Variants in RNF185 observed in about 807,000 individuals in gnomAD.
The protein encoded by RNF185 is E3 ubiquitin-protein ligase RNF185.
A neutral mutation model predicts 24.9 loss-of-function variants in RNF185; 13 were observed. The ratio of observed to expected loss-of-function variants is 0.52; its 90% CI spans 0.34 to 0.83. The LOEUF is 0.83. Among genes scored for constraint, RNF185 ranks in the 40% least tolerant of loss-of-function variants. The probability of loss-of-function intolerance (pLI) is 0.01; values close to 1 mark genes in which losing one functional copy is unlikely to be tolerated. For synonymous variants in RNF185, 79 were observed against 90.3 expected (o/e 0.88, Z 0.71); for missense variants, 184 against 244.7 (o/e 0.75, Z 1.65).
chr22:31,177,583 A>C (rs1278031673), intron 1 of RNF185, among the ~76,000 whole-genome samples: 4 of 152,186 alleles, frequency 2.6e-5, no homozygotes, highest in African/African-American at 9.6e-5. Context: ...CTTGGAATGC[A>C]GGTCCCATTT....
At chr22:31,204,022 C>T (rs2048289628) in intron 6 of RNF185, among the ~76,000 whole-genome samples, 1 of 131,354 alleles carries the variant, frequency 7.6e-6, no homozygotes, top group Non-Finnish European at 1.6e-5. Flanking sequence ...GCCTGGGCAA[C>T]AAGAGCAAAA....
intron 1 of RNF185, among the ~76,000 whole-genome samples, chr22:31,162,074 G>T (rs568490088): frequency 1.3e-5 from 2 of 152,058 alleles, no homozygotes; most frequent in East Asian, 3.9e-4. Context: ...CTTATTTTGT[G>T]CATTACAAAG....
Position 31,172,748 on chromosome 22 carries a change from C to CAA in RNF185, c.-49+12464_-49+12465dup, listed in dbSNP as rs35573590. Among the ~76,000 whole-genome samples the CAA allele has an allele frequency of 6.4e-3, 620 of 97,128 alleles. 17 individuals carry two copies. Among genetic ancestry groups the CAA allele is most frequent in the African/African-American group, 0.011 (278 of 25,936 alleles). The allele number at this position is 97,128 out of a possible 152,430, so 63.7% of individuals were successfully genotyped here. On this transcript the variant is annotated intron_variant, in intron 1 of 6. Coordinates refer to ENST00000326132, the MANE Select transcript of RNF185 (RefSeq NM_152267.4). ...TGAGCAACAGAGTGAGACCCCGTCT[C>CAA]AAAAAAAAAAAAAAAAAAAAGCAAA...
chr22:31,168,340 C>G (rs1475573230), intron 1 of RNF185, among the ~76,000 whole-genome samples: 1 of 152,160 alleles, frequency 6.6e-6, no homozygotes, highest in Non-Finnish European at 1.5e-5. Flanking sequence ...CTTCCTTTGA[C>G]TGACTTACTT....
chr22:31,184,022 C>A (rs1157701063), intron 1 of RNF185, among the ~76,000 whole-genome samples: 3 of 150,406 alleles, frequency 2.0e-5, no homozygotes, highest in South Asian at 2.1e-4. Context: ...GGCTGCCCCC[C>A]CCCACCTCCC....
chr22:31,189,897 A>AT (rs942473763), intron 2 of RNF185, among the ~76,000 whole-genome samples: 8 of 150,288 alleles, frequency 5.3e-5, no homozygotes, highest in South Asian at 2.1e-4. Flanking sequence ...CCTGCTATCA[A>AT]TTTTTTTTTT....
intron 3 of RNF185, 28 bp from the exon 4 acceptor site, chr22:31,195,441 C>T (rs749298894): frequency 5.3e-5 from 80 of 1,517,568 alleles, no homozygotes; most frequent in Non-Finnish European, 1.8e-6. Flanking sequence ...TTGGGCCATC[C>T]ACATGCATTT....
Position 31,171,172 on chromosome 22 carries a change from T to TTTATTTATTTAA in RNF185, c.-49+10880_-49+10881insATTATTTATTTA, listed in dbSNP as rs2047925774. 3.3e-5 allele frequency among the ~76,000 whole-genome samples: 5 copies of TTTATTTATTTAA among 150,508 alleles called. No individual in the cohort carries two copies. The East Asian group carries it at 9.7e-4, about 29-fold the overall frequency. On this transcript the variant is annotated intron_variant, in intron 1 of 6. Transcript: ENST00000326132. The stretch of plus-strand genomic sequence containing the variant: ...TCTGATTTACTTATTTATTTATTTA[T>TTTATTTATTTAA]TTATTTATTTATTTATTTTTGAGAC...
chr22:31,191,547 T>C (rs1295928017), intron 2 of RNF185, among the ~76,000 whole-genome samples: 1 of 152,056 alleles, frequency 6.6e-6, no homozygotes, highest in Admixed American at 6.6e-5. Context: ...ATTAAAAATG[T>C]GGGCCAGACA....
chr22:31,174,253 T>G (rs1236435400), intron 1 of RNF185, among the ~76,000 whole-genome samples: 1 of 152,218 alleles, frequency 6.6e-6, no homozygotes, highest in African/African-American at 2.4e-5. Context: ...ATCACATTCC[T>G]CTGTGCCGTG....
chr22:31,165,642 C>G (rs1316266643), intron 1 of RNF185, among the ~76,000 whole-genome samples: 1 of 152,204 alleles, frequency 6.6e-6, no homozygotes, highest in Non-Finnish European at 1.5e-5. Context: ...GAGCTTGACT[C>G]AAACCCAGCC....
intron 1 of RNF185, among the ~76,000 whole-genome samples, chr22:31,177,307 TCATTCCTATCTA>T: frequency 6.6e-6 from 1 of 152,010 alleles, no homozygotes; most frequent in East Asian, 1.9e-4. Context: ...CTTTGAAGAT[TCATTCCTATCTA>T]CTAAGTAGAT....
At chr22:31,163,331 A>G (rs890039955) in intron 1 of RNF185, among the ~76,000 whole-genome samples, 3 of 150,230 alleles carry the variant, frequency 2.0e-5, no homozygotes, top group Non-Finnish European at 2.9e-5. Context: ...TGCATCGTGT[A>G]CATTTTTTTT....
intron 5 of RNF185, among the ~76,000 whole-genome samples, chr22:31,198,285 A>G (rs538763284): frequency 4.9e-4 from 74 of 151,576 alleles, no homozygotes; most frequent in Non-Finnish European, 9.9e-4. Context: ...ATTGCTGGGA[A>G]CCCATTGAGT....
chr22:31,192,537 G>A, intron 2 of RNF185, 147 bp from the exon 3 acceptor site: 1 of 693,174 alleles, frequency 1.4e-6, no homozygotes, highest in Admixed American at 2.3e-5. Flanking sequence ...ACCTCAATGG[G>A]CATGCAGTGC....
intron 3 of RNF185, 106 bp from the exon 4 acceptor site, chr22:31,195,363 G>A: frequency 1.6e-6 from 1 of 637,954 alleles, no homozygotes; most frequent in Non-Finnish European, 2.7e-6. Context: ...GCTCATGCTG[G>A]TGTTTCCCAG....
At chr22:31,197,267 T>G in intron 5 of RNF185, 1 of 293,256 alleles carries the variant, frequency 3.4e-6, no homozygotes, top group Non-Finnish European at 6.4e-6. Flanking sequence ...TGTGTATACT[T>G]TTTACAGTTT....
At chr22:31,172,018 G>A (rs2047935475) in intron 1 of RNF185, among the ~76,000 whole-genome samples, 1 of 151,898 alleles carries the variant, frequency 6.6e-6, no homozygotes, top group Non-Finnish European at 1.5e-5. Context: ...GTATATACCG[G>A]GTATTAAAAT....
intron 4 of RNF185, 65 bp downstream of exon 4, chr22:31,195,646 C>G (rs572915145): frequency 1.0e-5 from 10 of 998,752 alleles, no homozygotes; most frequent in Non-Finnish European, 1.5e-5. Context: ...TCCCATTCAG[C>G]ATCCCCTAAC....
Sources: gnomAD v4.1 joint callset for allele counts (sites outside exome capture counted in the v4.1 genomes callset) on GRCh38, gnomAD v4.1.1 for gene constraint, MANE v1.5 for transcripts, NCBI Gene and HGNC (gene_info 2026-07-23, HGNC 2026-07-21) for gene names.